The following HSD17B12 variants were observed in gnomAD, a reference collection of about 807,000 sequenced individuals.
HSD17B12 encodes very-long-chain 3-oxoacyl-CoA reductase.
In HSD17B12, 32 loss-of-function variants were observed where a neutral mutation model predicts 39.3. The ratio of observed to expected loss-of-function variants is 0.81; its 90% CI spans 0.61 to 1.09. HSD17B12 has a LOEUF of 1.09. Among genes scored for constraint, HSD17B12 ranks in the 50% least tolerant of loss-of-function variants. HSD17B12 has a pLI of 0.00. For synonymous variants in HSD17B12, 150 were observed against 146.7 expected (o/e 1.02, Z -0.16); for missense variants, 342 against 382.9 (o/e 0.89, Z 0.89).
At chr11:43,670,379 A>C in the HSD17B12 span, 8 of 152,212 alleles carry the variant, frequency 5.3e-5, no homozygotes, top group Non-Finnish European at 1.5e-5. Context: ...CCATGTTATT[A>C]TTTCATATAT....
At chr11:43,631,557 C>G in the HSD17B12 span, among the ~76,000 whole-genome samples, 5,811 of 151,282 alleles carry the variant, frequency 0.038, 164 homozygotes, top group South Asian at 0.12. Context: ...GTGTGTGTGT[C>G]TCTCTCTCTC....
At position 43,757,639 on chromosome 11, in the gene HSD17B12, CAAAAAAAAAAAA is replaced by C. The variant is rs60598991; in HGVS notation, c.283+3535_283+3546del. On this transcript the variant is annotated intron_variant, in intron 3 of 10. Coordinates refer to ENST00000278353, the MANE Select transcript of HSD17B12 (RefSeq NM_016142.3). ...TGGGCGACAGAGCGAGACTCCGTCTCAAAAAAAAAAAAAAAAAAAAAAAAAAAACAAATAGGT... is the reference window on the plus strand; with the variant it reads ...TGGGCGACAGAGCGAGACTCCGTCTCAAAAAAAAAAAAAAAACAAATAGGT... Among the ~76,000 whole-genome samples, 33 of 7,206 alleles carry C rather than the reference CAAAAAAAAAAAA, an allele frequency of 4.6e-3. No individual in the cohort carries two copies. In the South Asian group the frequency reaches 0.15, roughly 33 times the overall value. 4.7% of individuals were successfully genotyped at this position (7,206 alleles called of 152,430 possible). A position where few individuals can be genotyped will look rare whatever the true frequency, so the allele number is the denominator to read the frequency against.
intron 3 of HSD17B12, among the ~76,000 whole-genome samples, chr11:43,791,540 AAAAG>A (rs1950867963): frequency 6.6e-6 from 1 of 152,032 alleles, no homozygotes; most frequent in Non-Finnish European, 1.5e-5. Flanking sequence ...TCAAAAAAAA[AAAAG>A]AAGAAGAAGA....
intron 9 of HSD17B12, among the ~76,000 whole-genome samples, chr11:43,847,406 T>C (rs1371278230): frequency 6.6e-6 from 1 of 152,152 alleles, no homozygotes; most frequent in Admixed American, 6.5e-5. Flanking sequence ...CTTATTGTCC[T>C]GAAGAAATCC....
intron 3 of HSD17B12, among the ~76,000 whole-genome samples, chr11:43,758,287 G>T (rs1950528767): frequency 2.0e-5 from 3 of 152,106 alleles, no homozygotes; most frequent in Admixed American, 2.0e-4. Context: ...TTACTGTTGT[G>T]GTGGGGTTAT....
chr11:43,577,206 C>T, the HSD17B12 span, among the ~76,000 whole-genome samples: 1 of 152,202 alleles, frequency 6.6e-6, no homozygotes, highest in African/African-American at 2.4e-5. Flanking sequence ...GAGTTCAGTT[C>T]CGTGCGCCAG....
intron 1 of HSD17B12, among the ~76,000 whole-genome samples, chr11:43,717,316 G>A (rs1438022194): frequency 6.6e-6 from 1 of 152,132 alleles, no homozygotes; most frequent in Admixed American, 6.6e-5. Context: ...ATAAAGGAAT[G>A]AATCCTAGGC....
intron 1 of HSD17B12, among the ~76,000 whole-genome samples, chr11:43,742,760 G>GTT (rs143152358): frequency 1.4e-5 from 2 of 144,380 alleles, no homozygotes; most frequent in Admixed American, 6.9e-5. Context: ...TTGTGTGTGT[G>GTT]TTTTTTTTTT....
intron 3 of HSD17B12, among the ~76,000 whole-genome samples, chr11:43,783,548 T>C (rs972389329): frequency 6.6e-6 from 1 of 152,094 alleles, no homozygotes; most frequent in African/African-American, 2.4e-5. Context: ...TTTCTCCTAA[T>C]GCTATCCCTC....
chr11:43,772,818 A>G (rs1328575291), intron 3 of HSD17B12, among the ~76,000 whole-genome samples: 2 of 152,182 alleles, frequency 1.3e-5, no homozygotes, highest in African/African-American at 2.4e-5. Flanking sequence ...GGGGGAAAAG[A>G]AAAAGCTTTC....
intron 1 of HSD17B12, among the ~76,000 whole-genome samples, chr11:43,717,224 C>A (rs1950132323): frequency 6.6e-6 from 1 of 152,126 alleles, no homozygotes; most frequent in African/African-American, 2.4e-5. Context: ...AATATCAATT[C>A]CATGAGGACT....
At chr11:43,772,811 G>GAAAA (rs1950661871) in intron 3 of HSD17B12, among the ~76,000 whole-genome samples, 2 of 151,950 alleles carry the variant, frequency 1.3e-5, no homozygotes, top group South Asian at 4.1e-4. Context: ...TGATTTGGGG[G>GAAAA]GAAAAGAAAA....
Position 43,854,615 on chromosome 11 carries a change from T to G in HSD17B12, c.685-100T>G, listed in dbSNP as rs183969772. The G allele has an allele frequency of 3.2e-6, 4 of 1,268,162 alleles. No homozygotes were observed. In the East Asian group the frequency reaches 9.4e-5, roughly 30 times the overall value. 78.6% of individuals were successfully genotyped at this position (1,268,162 alleles called of 1,614,324 possible). Reference sequence around the variant, plus strand: ...TCTTCTCTCTCTGTAAAGATACAGATGTTTCTACCACTAAGAGCAGTCAAG... The same window carrying G: ...TCTTCTCTCTCTGTAAAGATACAGAGGTTTCTACCACTAAGAGCAGTCAAG... On this transcript the variant is annotated intron_variant, in intron 9 of 10. Transcript: ENST00000278353.
At chr11:43,736,840 T>G (rs1440506894) in intron 1 of HSD17B12, among the ~76,000 whole-genome samples, 1 of 152,330 alleles carries the variant, frequency 6.6e-6, no homozygotes, top group Admixed American at 6.5e-5. Context: ...CAGGGACTTC[T>G]GTGGTTTCTA....
rs1565049669 is a variant in HSD17B12, at chr11:43,690,386, A to AT, written c.160+9400dup. On this transcript the variant is annotated intron_variant, in intron 1 of 10. Coordinates refer to ENST00000278353, the MANE Select transcript of HSD17B12 (RefSeq NM_016142.3). ...CATATATATATATATATATATATATATATATATATATATATATATTTTTTT... is the reference window on the plus strand; with the variant it reads ...CATATATATATATATATATATATATATTATATATATATATATATATTTTTTT... Among the ~76,000 whole-genome samples the AT allele has an allele frequency of 3.7e-3, 38 of 10,308 alleles. 5 individuals carry two copies. The highest frequency in any genetic ancestry group is 5.3e-3 in the Admixed American group (4 of 758). 6.8% of individuals were successfully genotyped at this position (10,308 alleles called of 152,430 possible). A position where few individuals can be genotyped will look rare whatever the true frequency, so the allele number is the denominator to read the frequency against.
At chr11:43,654,073 TAA>T in the HSD17B12 span, among the ~76,000 whole-genome samples, 1 of 152,074 alleles carries the variant, frequency 6.6e-6, no homozygotes, top group Non-Finnish European at 1.5e-5. Context: ...CCTGACTTTT[TAA>T]TGATTGCCAT....
At chr11:43,776,942 T>C (rs566878179) in intron 3 of HSD17B12, among the ~76,000 whole-genome samples, 1 of 152,180 alleles carries the variant, frequency 6.6e-6, no homozygotes, top group African/African-American at 2.4e-5. Flanking sequence ...TTCTGAGGGC[T>C]CTGTTCTGTT....
intron 1 of HSD17B12, among the ~76,000 whole-genome samples, chr11:43,696,976 A>G (rs1949917928): frequency 6.6e-6 from 1 of 151,798 alleles, no homozygotes; most frequent in Non-Finnish European, 1.5e-5. Flanking sequence ...ACACGTGGAC[A>G]CAGAGAGGGG....
At chr11:43,853,514 G>T (rs1224707230) in intron 9 of HSD17B12, 4 of 152,312 alleles carry the variant, frequency 2.6e-5, no homozygotes, top group Non-Finnish European at 2.9e-5. Flanking sequence ...TGGGCCAAGC[G>T]TGGTAGCTCA....
Sources: allele counts gnomAD v4.1 joint callset (sites outside exome capture counted in the v4.1 genomes callset), GRCh38; gene constraint gnomAD v4.1.1; transcripts MANE v1.5; gene names NCBI Gene and HGNC (gene_info 2026-07-23, HGNC 2026-07-21).